Variants in ARHGAP22 observed in about 807,000 individuals in gnomAD.
ARHGAP22 encodes Rho GTPase activating protein 22, also known as rho GTPase-activating protein 22.
A neutral mutation model predicts 59.1 loss-of-function variants in ARHGAP22; 48 were observed. The observed-to-expected ratio is 0.81, with a 90% confidence interval of 0.64 to 1.03. The LOEUF (loss-of-function observed/expected upper bound fraction) is 1.03. ARHGAP22 is among the 50% of genes least tolerant of loss of function. The pLI is 0.00. For synonymous variants in ARHGAP22, 445 were observed against 416.4 expected, an observed-to-expected ratio of 1.07 and a Z score of -0.84; for missense variants, 1,015 against 958.7, an observed-to-expected ratio of 1.06 and a Z score of -0.78.
chr10:48,616,287 C>G (rs1279413759), intron 1 of ARHGAP22, among the ~76,000 whole-genome samples: 1 of 152,086 alleles, frequency 6.6e-6, no homozygotes, highest in African/African-American at 2.4e-5. Flanking sequence ...CACCGGGAAA[C>G]CAAACATATA....
intron 1 of ARHGAP22, among the ~76,000 whole-genome samples, chr10:48,640,971 A>G (rs2062021087): frequency 6.6e-6 from 1 of 152,208 alleles, no homozygotes; most frequent in Non-Finnish European, 1.5e-5. Flanking sequence ...ATAGTAGCAC[A>G]AAGGAAAATG....
chr10:48,638,124 C>G (rs557314495), intron 1 of ARHGAP22, among the ~76,000 whole-genome samples: 1 of 152,162 alleles, frequency 6.6e-6, no homozygotes, highest in Non-Finnish European at 1.5e-5. Flanking sequence ...AATCTTCCAC[C>G]GTTTTCCCCT....
intron 1 of ARHGAP22, among the ~76,000 whole-genome samples, chr10:48,587,618 A>G (rs1025904575): frequency 1.3e-5 from 2 of 152,170 alleles, no homozygotes; most frequent in Non-Finnish European, 2.9e-5. Flanking sequence ...ATCTCTTATC[A>G]GAGAATCTTC....
At chr10:48,652,551 GT>G in exon 1 of ARHGAP22, 2 of 513,402 alleles carry the variant, frequency 3.9e-6, no homozygotes, top group Non-Finnish European at 6.9e-6. Context: ...TGGGGTATCA[GT>G]TCCTCAAATC....
chr10:48,498,964 C>T (rs952310490), intron 3 of ARHGAP22, among the ~76,000 whole-genome samples: 6 of 152,008 alleles, frequency 3.9e-5, no homozygotes, highest in Non-Finnish European at 1.5e-5. Context: ...CTGAGAAAGG[C>T]TCCCTCCTGT....
intron 2 of ARHGAP22, among the ~76,000 whole-genome samples, chr10:48,566,973 G>A (rs2058083191): frequency 6.6e-6 from 1 of 152,158 alleles, no homozygotes. Context: ...TAGACTTGCA[G>A]CCTAAGCTGG....
At chr10:48,554,135 T>C (rs1283418973) in intron 3 of ARHGAP22, among the ~76,000 whole-genome samples, 1 of 152,234 alleles carries the variant, frequency 6.6e-6, no homozygotes, top group Non-Finnish European at 1.5e-5. Flanking sequence ...AATACCCAAG[T>C]GAAACCATAG....
intron 1 of ARHGAP22, among the ~76,000 whole-genome samples, chr10:48,650,012 AAGAG>A (rs946391013): frequency 2.7e-5 from 4 of 147,880 alleles, no homozygotes; most frequent in African/African-American, 9.9e-5. Context: ...GAGAGAGAGA[AAGAG>A]AGAGAGAGAG....
At position 48,625,629 on chromosome 10, in the gene ARHGAP22, G is replaced by C. The variant is rs77120760; in HGVS notation, c.52+26605C>G. ...TGTTTAAGGATGTCTGATTCTAGCA[G>C]GAGCTAGACCAGACCGTGCTCACAT... On this transcript the variant is annotated intron_variant, in intron 1 of 9. Coordinates refer to the ARHGAP22 transcript ENST00000435790. Among the ~76,000 whole-genome samples, 1,266 of 151,914 alleles carry C rather than the reference G, an allele frequency of 8.3e-3. 20 individuals carry two copies. The highest frequency in any genetic ancestry group is 0.029 in the African/African-American group (1,206 of 41,446).
At chr10:48,585,606 C>T (rs2059382293) in intron 1 of ARHGAP22, among the ~76,000 whole-genome samples, 1 of 152,212 alleles carries the variant, frequency 6.6e-6, no homozygotes, top group Admixed American at 6.5e-5. Flanking sequence ...TGGACAACAG[C>T]AGCATTCACA....
At chr10:48,463,608 A>G (rs2047366768) in intron 4 of ARHGAP22, among the ~76,000 whole-genome samples, 1 of 152,126 alleles carries the variant, frequency 6.6e-6, no homozygotes, top group Non-Finnish European at 1.5e-5. Flanking sequence ...CTCCCTGGGT[A>G]GCGCTTTCCT....
At chr10:48,547,560 C>T (rs1055196779) in intron 3 of ARHGAP22, among the ~76,000 whole-genome samples, 1 of 152,258 alleles carries the variant, frequency 6.6e-6, no homozygotes. Context: ...CAGCCCAAAG[C>T]AGACAGGTGC....
chr10:48,561,252 T>C (rs2057669556), intron 2 of ARHGAP22, among the ~76,000 whole-genome samples: 1 of 152,178 alleles, frequency 6.6e-6, no homozygotes, highest in African/African-American at 2.4e-5. Context: ...AGGCAATTCA[T>C]TGGAGAAGAT....
chr10:48,475,051 T>C (rs1401652278), intron 4 of ARHGAP22, among the ~76,000 whole-genome samples: 1 of 152,226 alleles, frequency 6.6e-6, no homozygotes, highest in Non-Finnish European at 1.5e-5. Context: ...CTGCAAACTT[T>C]TTGAAAGAGT....
Position 48,450,311 on chromosome 10 carries a change from G to A in ARHGAP22, c.1818C>T (p.Leu606=), listed in dbSNP as rs2045783177. The change falls in exon 9 of 10, where the codon CTC becomes CTT. Residue 606 remains leucine, a synonymous_variant. Transcript: ENST00000249601. The part of the protein sequence containing the change: ...SEALQGLVTE[L]RAELCRQRTE... ...TCCGCTGGCGGCACAGCTCGGCCCT[G>A]AGCTCAGTGACCAGCCCCTGTAAGG... is the stretch of plus-strand genomic sequence containing the variant. 6.2e-7 allele frequency: 1 copy of A among 1,606,848 alleles called. No individual in the cohort carries two copies. Among genetic ancestry groups the A allele is most frequent in the Non-Finnish European group, 8.5e-7 (1 of 1,177,344 alleles).
chr10:48,635,354 C>T (rs1034849387), intron 1 of ARHGAP22, among the ~76,000 whole-genome samples: 6 of 152,252 alleles, frequency 3.9e-5, no homozygotes, highest in Admixed American at 6.5e-5. Flanking sequence ...GCTTGAAGCA[C>T]AGCTTTGGGT....
At chr10:48,431,772 T>C in the ARHGAP22 span, among the ~76,000 whole-genome samples, 4 of 152,190 alleles carry the variant, frequency 2.6e-5, no homozygotes, top group African/African-American at 4.8e-5. Flanking sequence ...TTAAAACTTT[T>C]TTTTATCATA....
intron 3 of ARHGAP22, among the ~76,000 whole-genome samples, chr10:48,548,874 C>T (rs1182937264): frequency 1.3e-5 from 2 of 152,218 alleles, no homozygotes; most frequent in Non-Finnish European, 1.5e-5. Flanking sequence ...ATGCCTGCCC[C>T]GGGGGAGCTA....
At chr10:48,618,987 A>G (rs1207236304) in intron 1 of ARHGAP22, among the ~76,000 whole-genome samples, 4 of 152,144 alleles carry the variant, frequency 2.6e-5, no homozygotes, top group Admixed American at 6.5e-5. Context: ...GAACTAATAA[A>G]CAAATTCAGT....
Sources: allele counts gnomAD v4.1 joint callset (sites outside exome capture counted in the v4.1 genomes callset), GRCh38; gene constraint gnomAD v4.1.1; transcripts MANE v1.5; gene names NCBI Gene and HGNC (gene_info 2026-07-23, HGNC 2026-07-21).